IL16: variants seen among roughly 807,000 people sequenced by gnomAD.
IL16 encodes pro-interleukin-16.
In IL16, 67 loss-of-function variants were observed where a neutral mutation model predicts 110.1. That is an observed-to-expected ratio of 0.61 (90% confidence interval 0.50 to 0.75). IL16 has a LOEUF of 0.75. Ranked by LOEUF, IL16 falls within the 30% of genes least tolerant of loss-of-function variation. IL16 has a pLI of 0.00. For synonymous variants in IL16, 689 were observed against 662.9 expected (o/e 1.04, Z -0.61); for missense variants, 1,545 against 1,655.0 (o/e 0.93, Z 1.15).
Position 81,252,600 on chromosome 15 carries a change from G to A in IL16, c.313-7172G>A, listed in dbSNP as rs139171342. On this transcript the variant is annotated intron_variant, in intron 2 of 18. Coordinates refer to ENST00000683961, the MANE Select transcript of IL16 (RefSeq NM_172217.5). ...TAGTTTTAGAACATTTTTGTCCCCC[G>A]AAAAAGAAACCTCCTGCCCATTAGC... Among the ~76,000 whole-genome samples, 541 of 151,936 alleles carry A rather than the reference G, an allele frequency of 3.6e-3. 1 individual carries two copies. Among genetic ancestry groups the A allele is most frequent in the Non-Finnish European group, 6.1e-3 (417 of 67,918 alleles).
In IL16 at chr15:81,292,749, C is replaced by T; in HGVS notation, c.1614C>T (p.Asp538=). ...GSAEKPSSDV[D]ISTHSPSLPL... is the part of the protein sequence containing the mutation. ...CTGAGAAGCCGTCCTCTGACGTGGA[C>T]ATCAGCACACACAGCCCCAGCTTGC... The change falls in exon 12 of 19, where the codon GAC becomes GAT. Residue 538 remains aspartate (D), a synonymous_variant. Transcript: ENST00000683961. 1 of 1,614,178 alleles carries T rather than the reference C, an allele frequency of 6.2e-7. No individual in the cohort carries two copies. Among genetic ancestry groups the T allele is most frequent in the South Asian group, 1.1e-5 (1 of 91,084 alleles).
At chr15:81,288,807 C>T (rs575767009) in intron 10 of IL16, among the ~76,000 whole-genome samples, 3 of 149,842 alleles carry the variant, frequency 2.0e-5, no homozygotes, top group African/African-American at 5.0e-5. Flanking sequence ...TTTTTAAGGT[C>T]GAATAATCTT....
At chr15:81,282,617 C>A (rs753653544) in intron 8 of IL16, 22 bp from the exon 9 acceptor site, 3 of 1,592,858 alleles carry the variant, frequency 1.9e-6, no homozygotes, top group Non-Finnish European at 2.6e-6. Flanking sequence ...GGTCTCCCCA[C>A]CCCGCCCTGT....
At chr15:81,229,832 C>T (rs921519678) in intron 2 of IL16, among the ~76,000 whole-genome samples, 12 of 152,288 alleles carry the variant, frequency 7.9e-5, no homozygotes, top group Admixed American at 2.6e-4. Flanking sequence ...CCCAGATGAA[C>T]TCTGCAGGCT....
rs1272101870 is a variant in IL16 at position 81,312,821 on chromosome 15, G to GC, written c.*4023_*4024insC. ...GCTGCAGCACAGGACTGAGGGAGCG[G>GC]TACATGCTTAAAAGGCAACAGGGCC... On this transcript the variant is annotated 3_prime_UTR_variant, in exon 19 of 19. Coordinates refer to ENST00000683961, the MANE Select transcript of IL16 (RefSeq NM_172217.5). The GC allele has an allele frequency of 6.5e-6, 1 of 153,334 alleles. No individual in the cohort carries two copies. The highest frequency in any genetic ancestry group is 1.5e-5 in the Non-Finnish European group (1 of 68,618). 9.5% of individuals were successfully genotyped at this position (153,334 alleles called of 1,614,324 possible).
chr15:81,223,618 G>A (rs903218840), intron 1 of IL16, among the ~76,000 whole-genome samples: 1 of 152,150 alleles, frequency 6.6e-6, no homozygotes, highest in Non-Finnish European at 1.5e-5. Flanking sequence ...TATTGATGGA[G>A]GCTACCACAG....
intron 1 of IL16, among the ~76,000 whole-genome samples, chr15:81,218,277 G>A (rs903859812): frequency 9.2e-5 from 14 of 151,792 alleles, no homozygotes; most frequent in South Asian, 2.1e-4. Flanking sequence ...AAAATGTTCC[G>A]GAAAAATGTA....
chr15:81,228,351 C>A (rs192909237), intron 2 of IL16, among the ~76,000 whole-genome samples: 15 of 147,190 alleles, frequency 1.0e-4, no homozygotes, highest in Admixed American at 6.2e-4. Context: ...GACGGAGTCT[C>A]GCTCTGTTGC....
At chr15:81,301,318 C>T in intron 14 of IL16, 26 bp from the exon 15 acceptor site, 4 of 1,578,904 alleles carry the variant, frequency 2.5e-6, no homozygotes, top group South Asian at 2.3e-5. Context: ...GTTGTTCATA[C>T]TGTGTGTTGT....
At chr15:81,236,084 G>A (rs1431879986) in intron 2 of IL16, among the ~76,000 whole-genome samples, 1 of 152,214 alleles carries the variant, frequency 6.6e-6, no homozygotes, top group Non-Finnish European at 1.5e-5. Flanking sequence ...AAAATTCAAA[G>A]TAATTGGTCA....
intron 1 of IL16, among the ~76,000 whole-genome samples, chr15:81,191,054 G>A (rs1275386251): frequency 6.6e-6 from 1 of 152,174 alleles, no homozygotes; most frequent in African/African-American, 2.4e-5. Context: ...CACCCAAGAT[G>A]GAGTTGCCTC....
intron 1 of IL16, among the ~76,000 whole-genome samples, chr15:81,183,636 A>G (rs912948353): frequency 3.9e-5 from 6 of 152,220 alleles, no homozygotes; most frequent in South Asian, 2.1e-4. Flanking sequence ...AGTCAAAGGC[A>G]TATTCTGACT....
Position 81,308,588 on chromosome 15 carries a change from C to T in IL16, c.3806-17C>T, listed in dbSNP as rs754106914. On this transcript the variant is annotated splice_polypyrimidine_tract_variant and intron_variant, in intron 18 of 18. Coordinates refer to ENST00000683961, the MANE Select transcript of IL16 (RefSeq NM_172217.5). ...CCCCATCATCTGTGGAACCCATTACCTTCTCCCTCATTTCAGGAGCAGCCT... is the reference window on the plus strand; with the variant it reads ...CCCCATCATCTGTGGAACCCATTACTTTCTCCCTCATTTCAGGAGCAGCCT... The T allele has an allele frequency of 8.2e-6, 13 of 1,580,832 alleles. No homozygotes were observed. In the East Asian group the frequency reaches 2.9e-4, roughly 36 times the overall value.
In IL16 at chr15:81,269,589, T is replaced by G. The variant is rs745460429; in HGVS notation, c.616T>G (p.Ser206Ala). 2.5e-6 allele frequency: 4 copies of G among 1,614,028 alleles called. No individual in the cohort carries two copies. The highest frequency in any genetic ancestry group is 3.4e-6 in the Non-Finnish European group (4 of 1,180,008). The change falls in exon 5 of 19, where the codon TCT (serine) becomes GCT (alanine). Residue 206 changes from serine (S) to alanine (A), a missense_variant. This residue lies in a region of IL16 where 1,185 missense variants were observed against 1,238.8 expected (regional missense o/e 0.96). Transcript: ENST00000683961. ...GAGCACAGCTCAGCTCGTGCAGCCA[T>G]CTGGGGGCCTCCAGGCTTCAGTCAT... ...SLSTAQLVQP[S>A]GGLQASVISN...
intron 2 of IL16, among the ~76,000 whole-genome samples, chr15:81,258,303 T>C (rs187460490): frequency 0.021 from 3,054 of 145,478 alleles, 87 homozygotes; most frequent in African/African-American, 0.082. Flanking sequence ...GTTTCATTAC[T>C]GACCCTGGTA....
intron 4 of IL16, among the ~76,000 whole-genome samples, chr15:81,266,395 G>A (rs1444597376): frequency 6.6e-6 from 1 of 152,120 alleles, no homozygotes; most frequent in East Asian, 1.9e-4. Flanking sequence ...TGAGTAGCTG[G>A]GTTTATGCAT....
At chr15:81,207,251 AAAAAAAAAAAC>A (rs1896060811) in intron 1 of IL16, among the ~76,000 whole-genome samples, 2 of 151,096 alleles carry the variant, frequency 1.3e-5, no homozygotes, top group African/African-American at 4.9e-5. Flanking sequence ...AAAAACAAAA[AAAAAAAAAAAC>A]AAAAAAAAGA....
At chr15:81,238,714 ATTC>A (rs1450663018) in intron 2 of IL16, among the ~76,000 whole-genome samples, 2 of 151,362 alleles carry the variant, frequency 1.3e-5, no homozygotes, top group Non-Finnish European at 2.9e-5. Context: ...TACTCATTCT[ATTC>A]TTCTTCTTTC....
intron 2 of IL16, among the ~76,000 whole-genome samples, chr15:81,235,993 G>C (rs1201121815): frequency 6.6e-6 from 1 of 152,220 alleles, no homozygotes; most frequent in East Asian, 1.9e-4. Flanking sequence ...CCCCACTTCA[G>C]AGCTGCCCTC....
Sources: gnomAD v4.1 joint callset for allele counts (sites outside exome capture counted in the v4.1 genomes callset) on GRCh38, gnomAD v4.1.1 for gene constraint, gnomAD v4.1.1 regional missense constraint, MANE v1.5 for transcripts, NCBI Gene and HGNC (gene_info 2026-07-23, HGNC 2026-07-21) for gene names.